The following DIXDC1 variants were observed in gnomAD, a reference collection of about 807,000 sequenced individuals.
DIXDC1 encodes DIX domain containing 1.
In DIXDC1, 64 loss-of-function variants were observed where a neutral mutation model predicts 103.1. The ratio of observed to expected loss-of-function variants is 0.62; its 90% CI spans 0.51 to 0.76. The LOEUF (loss-of-function observed/expected upper bound fraction) is 0.76, where lower values mean the gene tolerates loss of function less well. Among genes scored for constraint, DIXDC1 ranks in the 30% least tolerant of loss-of-function variants. The pLI, the probability that DIXDC1 is intolerant of heterozygous loss-of-function variation, is 0.00. For synonymous variants in DIXDC1, 266 were observed against 298.5 expected, an observed-to-expected ratio of 0.89 and a Z score of 1.12; for missense variants, 759 against 834.2, an observed-to-expected ratio of 0.91 and a Z score of 1.11.
intron 17 of DIXDC1, among the ~76,000 whole-genome samples, chr11:111,999,441 A>G (rs1231420442): frequency 3.3e-5 from 5 of 152,248 alleles, no homozygotes; most frequent in Non-Finnish European, 5.9e-5. Context: ...CTCAGACTAT[A>G]GATCAGTGAC....
At chr11:111,959,569 G>A (rs587668736) in intron 1 of DIXDC1, among the ~76,000 whole-genome samples, 52 of 152,328 alleles carry the variant, frequency 3.4e-4, no homozygotes, top group African/African-American at 1.1e-3. Flanking sequence ...GATCCAAGCC[G>A]GCAGTGCGAG....
chr11:111,953,729 A>G (rs1033468569), intron 1 of DIXDC1, among the ~76,000 whole-genome samples: 1 of 152,234 alleles, frequency 6.6e-6, no homozygotes, highest in Non-Finnish European at 1.5e-5. Context: ...TTATAAATGA[A>G]TAATATAACC....
intron 2 of DIXDC1, among the ~76,000 whole-genome samples, chr11:111,967,601 TTA>T (rs1312191686): frequency 5.9e-5 from 9 of 152,330 alleles, no homozygotes; most frequent in African/African-American, 2.2e-4. Context: ...TTTATTTATT[TTA>T]TTATTTTTGT....
At chr11:111,995,610 A>C (rs782279434) in intron 16 of DIXDC1, 46 bp downstream of exon 16, 1 of 1,603,226 alleles carries the variant, frequency 6.2e-7, no homozygotes, top group Non-Finnish European at 8.5e-7. Flanking sequence ...CTCCTGAGAA[A>C]GCTGGGTTTT....
chr11:111,981,391 C>G (rs1860302462), intron 6 of DIXDC1, among the ~76,000 whole-genome samples: 1 of 152,148 alleles, frequency 6.6e-6, no homozygotes, highest in Non-Finnish European at 1.5e-5. Flanking sequence ...ATGCAAGAAG[C>G]AAAGTGCAAG....
At chr11:111,995,771 T>C (rs1860878712) in intron 16 of DIXDC1, among the ~76,000 whole-genome samples, 1 of 152,024 alleles carries the variant, frequency 6.6e-6, no homozygotes, top group Non-Finnish European at 1.5e-5. Flanking sequence ...TCATACTTGC[T>C]CCCAGCAACT....
At chr11:111,957,647 C>T (rs1323446213) in intron 1 of DIXDC1, among the ~76,000 whole-genome samples, 1 of 152,174 alleles carries the variant, frequency 6.6e-6, no homozygotes, top group Non-Finnish European at 1.5e-5. Context: ...CATTGTACAA[C>T]ATAACTGGCC....
At chr11:112,013,327 T>TGG (rs1405183599) in intron 17 of DIXDC1, among the ~76,000 whole-genome samples, 717 of 49,940 alleles carry the variant, frequency 0.014, 39 homozygotes, top group African/African-American at 0.045. Flanking sequence ...GGGGTGGGGG[T>TGG]GGGGTGGGGG....
At chr11:111,936,999 A>ATGTGTGTG (rs1966210904), upstream of DIXDC1, among the ~76,000 whole-genome samples, 1 of 109,954 alleles carries the variant, frequency 9.1e-6, no homozygotes, top group African/African-American at 4.1e-5. Flanking sequence ...GTGTGTGTGT[A>ATGTGTGTG]TGTGTGTATG....
Position 111,937,566 on chromosome 11 carries a change from G to C in DIXDC1, c.60+7G>C. On this transcript the variant is annotated splice_region_variant and intron_variant, in intron 1 of 19. Coordinates refer to ENST00000440460, the MANE Select transcript of DIXDC1 (RefSeq NM_001037954.4). ...GCAGGAGGGCTTCAATGAGGTAACTGTCCTGCTCCTCCCACTCCTCAGCTC... is the reference window on the plus strand; with the variant it reads ...GCAGGAGGGCTTCAATGAGGTAACTCTCCTGCTCCTCCCACTCCTCAGCTC... 2 of 1,586,436 alleles carry C rather than the reference G, an allele frequency of 1.3e-6. No homozygotes were observed. The highest frequency in any genetic ancestry group is 1.7e-6 in the Non-Finnish European group (2 of 1,166,596).
exon 2 of DIXDC1, chr11:111,929,835 C>A (rs1164443275): frequency 1.1e-5 from 17 of 1,534,022 alleles, no homozygotes; most frequent in Non-Finnish European, 1.3e-5. Context: ...TGATTCGTCT[C>A]TTCTAGGGAC....
rs1366296361 is a variant in DIXDC1, at chr11:111,977,722, A to T, written c.656+2739A>T. 6.4e-7 allele frequency: 1 copy of T among 1,551,850 alleles called. No individual in the cohort carries two copies. Among genetic ancestry groups the T allele is most frequent in the Non-Finnish European group, 8.7e-7 (1 of 1,147,564 alleles). ...GGAGCGATGTGACTCTCAGCCTCCC[A>T]CTTCACCCGGGGACGCAGGCTTGCT... On this transcript the variant is annotated intron_variant, in intron 5 of 19. Transcript: ENST00000440460. The surrounding 1 kb of genome is among the most constrained non-coding windows in gnomAD (Gnocchi z 6.1).
intron 1 of DIXDC1, among the ~76,000 whole-genome samples, chr11:111,942,432 T>C (rs1279761887): frequency 6.6e-6 from 1 of 152,246 alleles, no homozygotes; most frequent in Admixed American, 6.5e-5. Flanking sequence ...ATTTTCTTGT[T>C]TGTTATTCCC....
At chr11:112,012,261 A>G (rs905594387) in intron 17 of DIXDC1, among the ~76,000 whole-genome samples, 7 of 152,214 alleles carry the variant, frequency 4.6e-5, no homozygotes, top group Non-Finnish European at 8.8e-5. Context: ...TCCCAACCCA[A>G]ATGGTGAAAA....
chr11:111,930,636 CTG>C (rs1965979279), intron 2 of DIXDC1, among the ~76,000 whole-genome samples: 2 of 152,130 alleles, frequency 1.3e-5, no homozygotes, highest in Non-Finnish European at 2.9e-5. Flanking sequence ...AACCACTTCT[CTG>C]TTGTTGGACT....
chr11:111,933,206 T>G (rs587600757), upstream of DIXDC1, among the ~76,000 whole-genome samples: 6 of 151,428 alleles, frequency 4.0e-5, no homozygotes, highest in East Asian at 1.2e-3. Flanking sequence ...TCGGCTCACC[T>G]CAACCTCCAC....
At chr11:111,928,089 A>G (rs1555167252) in intron 1 of DIXDC1, among the ~76,000 whole-genome samples, 1 of 151,942 alleles carries the variant, frequency 6.6e-6, no homozygotes, top group Non-Finnish European at 1.5e-5. Flanking sequence ...CGACAAGTAC[A>G]TATTTTGTAG....
intron 5 of DIXDC1, 105 bp from the exon 6 acceptor site, chr11:111,980,632 A>G: frequency 1.2e-6 from 1 of 809,028 alleles, no homozygotes; most frequent in Non-Finnish European, 2.0e-6. Context: ...ATGGAGGAGT[A>G]AGATGAATAA....
intron 1 of DIXDC1, among the ~76,000 whole-genome samples, chr11:111,960,486 C>T (rs901738665): frequency 1.9e-4 from 28 of 150,474 alleles, no homozygotes; most frequent in Admixed American, 1.7e-3. Flanking sequence ...CCCAGCTTCT[C>T]GGGAGGCTGA....
Sources: allele counts gnomAD v4.1 joint callset (sites outside exome capture counted in the v4.1 genomes callset), GRCh38; gene constraint gnomAD v4.1.1; non-coding constraint Gnocchi (gnomAD v3.1); transcripts MANE v1.5; gene names NCBI Gene and HGNC (gene_info 2026-07-23, HGNC 2026-07-21).